The following NBPF20 variants were observed in gnomAD, a reference collection of about 807,000 sequenced individuals.
NBPF20 encodes NBPF member 20, also known as NBPF family member NBPF20.
In NBPF20, 90 loss-of-function variants were observed where a neutral mutation model predicts 68.1. The observed-to-expected ratio is 1.32, with a 90% CI of 1.11 to 1.58. The LOEUF (loss-of-function observed/expected upper bound fraction) is 1.58. Among genes scored for constraint, NBPF20 ranks in the 40% most tolerant of loss-of-function variants. The probability of loss-of-function intolerance (pLI) is 0.00; values close to 1 mark genes in which losing one functional copy is unlikely to be tolerated. For synonymous variants in NBPF20, 290 were observed against 228.1 expected, an observed-to-expected ratio of 1.27 and a Z score of -2.45; for missense variants, 816 against 601.2, an observed-to-expected ratio of 1.36 and a Z score of -3.74.
At chr1:145,334,916 C>A (rs1661563186) in intron 83 of NBPF20, among the ~76,000 whole-genome samples, 1 of 129,426 alleles carries the variant, frequency 7.7e-6, no homozygotes, top group African/African-American at 2.6e-5. Flanking sequence ...GGTCAAAGGA[C>A]ACTCTGAGTT....
intron 3 of NBPF20, among the ~76,000 whole-genome samples, chr1:145,402,768 G>A (rs2101580475): frequency 6.7e-6 from 1 of 149,716 alleles, no homozygotes; most frequent in East Asian, 2.0e-4. Context: ...GAGGCCAGGT[G>A]CAGATGGGGC....
exon 2 of NBPF20, chr1:145,405,286 G>A (rs1662726293): frequency 1.2e-6 from 2 of 1,604,622 alleles, no homozygotes. Flanking sequence ...GACGTTTGTG[G>A]CAGAAGAGGT....
chr1:145,417,335 G>A, the NBPF20 span, among the ~76,000 whole-genome samples: 2 of 149,980 alleles, frequency 1.3e-5, no homozygotes, highest in African/African-American at 4.9e-5. Context: ...ACACGTAAAT[G>A]TAAGGTGCAA....
At chr1:145,400,641 G>C (rs1662478898) in intron 5 of NBPF20, 47 bp from the exon 11 acceptor site, 1 of 1,581,536 alleles carries the variant, frequency 6.3e-7, no homozygotes, top group South Asian at 1.1e-5. Flanking sequence ...AAACACAGAG[G>C]GATTGGACCC....
chr1:145,400,340 C>T, intron 6 of NBPF20, 49 bp downstream of exon 11: 1 of 1,610,122 alleles, frequency 6.2e-7, no homozygotes, highest in Non-Finnish European at 8.5e-7. Flanking sequence ...CAGAGTTTAT[C>T]TTCCTCAGCC....
chr1:145,290,356 T>C lies in NBPF20; in HGVS notation c.*1170A>G, dbSNP rs1387923990. The C allele has an allele frequency of 1.3e-4, 20 of 149,628 alleles. No individual in the cohort carries two copies. The South Asian group carries it at 3.6e-3, about 27-fold the overall frequency. 9.3% of individuals were successfully genotyped at this position (149,628 alleles called of 1,614,324 possible). A position where few individuals can be genotyped will look rare whatever the true frequency, so the allele number is the denominator to read the frequency against. On this transcript the variant is annotated 3_prime_UTR_variant, in exon 138 of 138. Transcript: ENST00000369373. ...CAAGTAACCAGTCCTGATATCATAA[T>C]GGTGATGGACAAACTAGACCTTCTC...
At chr1:145,394,322 A>C (rs1662107402) in intron 8 of NBPF20, among the ~76,000 whole-genome samples, 1 of 151,608 alleles carries the variant, frequency 6.6e-6, no homozygotes, top group Non-Finnish European at 1.5e-5. Context: ...GTGGACACAG[A>C]GATTTGATGA....
At position 145,397,872 on chromosome 1, in the gene NBPF20, C is replaced by A. The variant is rs1379317149; in HGVS notation, c.827+1177G>T. Among the ~76,000 whole-genome samples the A allele has an allele frequency of 1.5e-3, 230 of 152,054 alleles. No homozygotes were observed. The Middle Eastern group carries it at 0.017, about 11-fold the overall frequency. On this transcript the variant is annotated intron_variant, in intron 7 of 137. Transcript: ENST00000369373. ...ATGCAGAGACACACATAGGCTCAAA[C>A]TAAAGGGATGGAGGAAGATCTACCA...
chr1:145,410,636 A>C, the NBPF20 span, among the ~76,000 whole-genome samples: 1 of 150,268 alleles, frequency 6.7e-6, no homozygotes, highest in Non-Finnish European at 1.5e-5. Flanking sequence ...TTTCTGAAGT[A>C]TCTAAGTCTT....
intron 10 of NBPF20, among the ~76,000 whole-genome samples, chr1:145,392,820 C>T (rs1661973973): frequency 1.0e-5 from 1 of 97,030 alleles, no homozygotes; most frequent in Non-Finnish European, 1.8e-5. Context: ...CACATCTGCC[C>T]AGGTCGAACG....
chr1:145,406,357 T>A (rs1553667463), upstream of NBPF20, among the ~76,000 whole-genome samples: 1 of 151,300 alleles, frequency 6.6e-6, no homozygotes, highest in East Asian at 1.9e-4. Flanking sequence ...CAATTTTATA[T>A]CCATTTTTCT....
exon 138 of NBPF20, chr1:145,291,501 C>A: frequency 1.9e-6 from 3 of 1,612,026 alleles, no homozygotes; most frequent in Non-Finnish European, 1.7e-6. Context: ...GCAGGAATGA[C>A]ATCTCTCGGC....
At chr1:145,411,266 T>C in the NBPF20 span, among the ~76,000 whole-genome samples, 1 of 150,288 alleles carries the variant, frequency 6.7e-6, no homozygotes, top group African/African-American at 2.4e-5. Flanking sequence ...ATAACAACTC[T>C]TCTGATCCAT....
chr1:145,417,408 G>A, the NBPF20 span, among the ~76,000 whole-genome samples: 1 of 141,772 alleles, frequency 7.1e-6, no homozygotes, highest in African/African-American at 2.6e-5. Flanking sequence ...TTCAATGATG[G>A]CTTCTTAGAT....
intron 7 of NBPF20, 53 bp from the exon 13 acceptor site, chr1:145,395,194 G>C (rs1216857416): frequency 8.7e-7 from 1 of 1,150,644 alleles, no homozygotes; most frequent in South Asian, 1.3e-5. Flanking sequence ...ACAGACATTA[G>C]ACAACAAAAC....
At chr1:145,408,656 TC>T (rs1662900259), upstream of NBPF20, among the ~76,000 whole-genome samples, 1 of 151,852 alleles carries the variant, frequency 6.6e-6, no homozygotes, top group African/African-American at 2.4e-5. Flanking sequence ...CTCTAAAATC[TC>T]CTACTAGAAA....
chr1:145,291,577 C>T (rs587632622), exon 138 of NBPF20: 25 of 1,611,944 alleles, frequency 1.6e-5, no homozygotes, highest in East Asian at 6.7e-5. Context: ...GACTTGTCAC[C>T]GTCAAAGTAA....
chr1:145,406,085 A>ATTT (rs587699811), upstream of NBPF20, among the ~76,000 whole-genome samples: 32 of 117,646 alleles, frequency 2.7e-4, no homozygotes, highest in African/African-American at 7.6e-4. Context: ...CGCCCGGCTA[A>ATTT]TTTTTTTTTT....
chr1:145,405,432 C>G lies in NBPF20; in HGVS notation c.-58G>C. ...TACTGTTGTGAAAAATGTGATCACT[C>G]CCCACAGCACTTTAGGATCCTTCAC... On this transcript the variant is annotated 5_prime_UTR_variant, in exon 1 of 138. Coordinates refer to ENST00000369373, the Ensembl canonical transcript of NBPF20. 7.6e-6 allele frequency: 12 copies of G among 1,576,388 alleles called. No homozygotes were observed. The Middle Eastern group carries it at 1.1e-3, about 150-fold the overall frequency.
Sources: gnomAD v4.1 joint callset for allele counts (sites outside exome capture counted in the v4.1 genomes callset) on GRCh38, gnomAD v4.1.1 for gene constraint, MANE v1.5 for transcripts, NCBI Gene and HGNC (gene_info 2026-07-23, HGNC 2026-07-21) for gene names.